Variants in SPATA13 observed in about 807,000 individuals in gnomAD.
The protein encoded by SPATA13 is spermatogenesis-associated protein 13.
Under a neutral mutation model 104.0 loss-of-function variants are expected in SPATA13, and 50 were observed. The ratio of observed to expected loss-of-function variants is 0.48; its 90% CI spans 0.38 to 0.61. The LOEUF is 0.61. Ranked by LOEUF, SPATA13 falls within the 20% of genes least tolerant of loss-of-function variation. The probability of loss-of-function intolerance (pLI) is 0.00; values close to 1 mark genes in which losing one functional copy is unlikely to be tolerated. For synonymous variants in SPATA13, 606 were observed against 667.5 expected (o/e 0.91, Z 1.42); for missense variants, 1,524 against 1,690.6 (o/e 0.90, Z 1.73).
Position 24,306,855 on chromosome 13 carries a change from G to C in SPATA13, c.*4082G>C, listed in dbSNP as rs1877608484. The C allele has an allele frequency of 6.6e-6, 1 of 152,138 alleles. No homozygotes were observed. The highest frequency in any genetic ancestry group is 6.6e-5 in the Admixed American group (1 of 15,266). The allele number at this position is 152,138 out of a possible 1,614,324, so 9.4% of individuals were successfully genotyped here. A position where few individuals can be genotyped will look rare whatever the true frequency, so the allele number is the denominator to read the frequency against. ...CATTTTAGCTCATTAACTTCAAGAT[G>C]ATGTGTCATCTGTATAGGTCAAAGA... On this transcript the variant is annotated 3_prime_UTR_variant, in exon 13 of 13. Coordinates refer to ENST00000382108, the MANE Select transcript of SPATA13 (RefSeq NM_001166271.3).
At position 24,304,770 on chromosome 13, in the gene SPATA13, C is replaced by G. The variant is rs905961318; in HGVS notation, c.*1997C>G. ...AGCCCGAGTTGCTTCTGTGGACCAT[C>G]ATGCCGCTCGGCACGTCCTGAGACA... On this transcript the variant is annotated 3_prime_UTR_variant, in exon 13 of 13. Coordinates refer to ENST00000382108, the MANE Select transcript of SPATA13 (RefSeq NM_001166271.3). 2 of 152,296 alleles carry G rather than the reference C, an allele frequency of 1.3e-5. No individual in the cohort carries two copies. 9.4% of individuals were successfully genotyped at this position (152,296 alleles called of 1,614,324 possible).
intron 2 of SPATA13, among the ~76,000 whole-genome samples, chr13:23,986,862 C>T (rs1471546577): frequency 6.6e-6 from 1 of 152,104 alleles, no homozygotes; most frequent in Non-Finnish European, 1.5e-5. Flanking sequence ...CTGCAGTTTC[C>T]TCAGATTGGA....
chr13:24,154,663 A>G (rs1882206886), intron 3 of SPATA13, among the ~76,000 whole-genome samples: 3 of 152,154 alleles, frequency 2.0e-5, no homozygotes, highest in Admixed American at 2.0e-4. Flanking sequence ...TCACACTTTT[A>G]AGCGAGTTTC....
At chr13:24,103,963 G>C (rs7996973) in intron 3 of SPATA13, among the ~76,000 whole-genome samples, 15,685 of 152,178 alleles carry the variant, frequency 0.1, 1,115 homozygotes, top group African/African-American at 0.19. Context: ...CTGATTAGGA[G>C]TGACTCTAAG....
At chr13:24,061,866 G>GT (rs200607783) in intron 3 of SPATA13, among the ~76,000 whole-genome samples, 1 of 147,794 alleles carries the variant, frequency 6.8e-6, no homozygotes, top group Non-Finnish European at 1.5e-5. Context: ...TAACATAAAA[G>GT]TTTTTAAAAA....
chr13:24,241,897 T>A (rs1326692625), intron 2 of SPATA13, among the ~76,000 whole-genome samples: 1 of 151,846 alleles, frequency 6.6e-6, no homozygotes, highest in East Asian at 1.9e-4. Context: ...TACAGAAAAT[T>A]TAAAAATTAG....
chr13:24,062,182 G>A (rs1207984576), intron 3 of SPATA13, among the ~76,000 whole-genome samples: 16 of 152,314 alleles, frequency 1.1e-4, no homozygotes, highest in Non-Finnish European at 1.5e-5. Context: ...TGTGACCTCT[G>A]GTACAGTGTG....
chr13:24,017,270 C>T (rs146487141), intron 2 of SPATA13, among the ~76,000 whole-genome samples: 230 of 152,308 alleles, frequency 1.5e-3, no homozygotes, highest in Non-Finnish European at 1.5e-3. Context: ...TATCCTCATC[C>T]GAGAAATAGA....
chr13:24,052,068 G>C (rs1179843771), intron 3 of SPATA13, among the ~76,000 whole-genome samples: 23 of 4,572 alleles, frequency 5.0e-3, no homozygotes, highest in Admixed American at 0.017. Context: ...GCAGGGTTTG[G>C]CTTCTTACAC....
At chr13:24,279,457 G>A (rs1490479967) in intron 4 of SPATA13, among the ~76,000 whole-genome samples, 2 of 152,140 alleles carry the variant, frequency 1.3e-5, no homozygotes, top group Admixed American at 6.5e-5. Flanking sequence ...ATGGCCTGCC[G>A]GGGGCAGGGG....
chr13:24,003,352 A>T (rs1307955367), intron 2 of SPATA13, among the ~76,000 whole-genome samples: 1 of 152,262 alleles, frequency 6.6e-6, no homozygotes, highest in Non-Finnish European at 1.5e-5. Context: ...CCATGAGATA[A>T]CAGCAGGTTT....
At chr13:24,164,317 C>T (rs1357015296) in intron 1 of SPATA13, among the ~76,000 whole-genome samples, 1 of 152,218 alleles carries the variant, frequency 6.6e-6, no homozygotes, top group Non-Finnish European at 1.5e-5. Flanking sequence ...CCCACTGAGC[C>T]CCCTTGCTCC....
chr13:24,132,273 C>A (rs910557765), intron 3 of SPATA13, among the ~76,000 whole-genome samples: 3 of 152,184 alleles, frequency 2.0e-5, no homozygotes, highest in Non-Finnish European at 2.9e-5. Context: ...ATGACTTCCC[C>A]CAAAAAATCT....
In SPATA13 at chr13:24,161,392, G is replaced by A. The variant is rs1289734081; in HGVS notation, c.-112+460G>A. 2.0e-5 allele frequency among the ~76,000 whole-genome samples: 3 copies of A among 152,210 alleles called. No homozygotes were observed. The highest frequency in any genetic ancestry group is 7.2e-5 in the African/African-American group (3 of 41,464). On this transcript the variant is annotated intron_variant, in intron 1 of 12. Coordinates refer to ENST00000382108, the MANE Select transcript of SPATA13 (RefSeq NM_001166271.3). The surrounding 1 kb of genome is among the most constrained non-coding windows in gnomAD (Gnocchi z 4.5). Reference sequence around the variant, plus strand: ...TGGCTGGTGCCTCCGGGGACCCGGAGCGATGCGGTTGGAGAGCTTAGTTTA... The same window carrying A: ...TGGCTGGTGCCTCCGGGGACCCGGAACGATGCGGTTGGAGAGCTTAGTTTA...
At chr13:24,152,177 G>A (rs1016672310) in intron 3 of SPATA13, among the ~76,000 whole-genome samples, 10 of 152,246 alleles carry the variant, frequency 6.6e-5, no homozygotes, top group Admixed American at 5.2e-4. Context: ...CAAGATCAAG[G>A]CACCTGTAGA....
chr13:24,279,435 G>A (rs1593491443), intron 4 of SPATA13, among the ~76,000 whole-genome samples: 3 of 152,248 alleles, frequency 2.0e-5, no homozygotes, highest in East Asian at 3.9e-4. Context: ...TGGCAGCATC[G>A]CTCTGGCAGC....
intron 10 of SPATA13, among the ~76,000 whole-genome samples, chr13:24,295,149 T>C (rs1876676844): frequency 6.6e-6 from 1 of 152,062 alleles, no homozygotes. Context: ...GTGGGAACAG[T>C]AGAGGGCATT....
intron 1 of SPATA13, among the ~76,000 whole-genome samples, chr13:24,182,508 G>A (rs1021143350): frequency 4.0e-5 from 6 of 151,170 alleles, no homozygotes; most frequent in Admixed American, 1.3e-4. Flanking sequence ...GAGAGAGAGA[G>A]AGCGCAGGAA....
At chr13:24,143,350 C>G (rs9507258) in intron 3 of SPATA13, among the ~76,000 whole-genome samples, 1 of 151,896 alleles carries the variant, frequency 6.6e-6, no homozygotes, top group African/African-American at 2.4e-5. Context: ...CATTTTTCCC[C>G]AATATTAAAG....
Sources: gnomAD v4.1 joint callset for allele counts (sites outside exome capture counted in the v4.1 genomes callset) on GRCh38, gnomAD v4.1.1 for gene constraint, Gnocchi (gnomAD v3.1) non-coding constraint, MANE v1.5 for transcripts, NCBI Gene and HGNC (gene_info 2026-07-23, HGNC 2026-07-21) for gene names.